TLN2: variants seen among roughly 807,000 people sequenced by gnomAD.
The protein encoded by TLN2 is talin 2, also known as talin-2.
TLN2 carries 118 observed loss-of-function variants against 294.7 expected under a neutral mutation model. The observed-to-expected ratio is 0.40, with a 90% CI of 0.34 to 0.47. The LOEUF (loss-of-function observed/expected upper bound fraction) is 0.47, where lower values mean the gene tolerates loss of function less well. TLN2 is among the 20% of genes least tolerant of loss of function. The probability of loss-of-function intolerance (pLI) is 0.84; values close to 1 mark genes in which losing one functional copy is unlikely to be tolerated. For missense variants in TLN2, 3,083 were observed against 3,282.2 expected, an observed-to-expected ratio of 0.94 and a Z score of 1.48; for synonymous variants, 1,431 against 1,304.5, an observed-to-expected ratio of 1.10 and a Z score of -2.09.
chr15:62,792,838 G>A (rs1243535967), intron 46 of TLN2, 51 bp downstream of exon 46: 1 of 1,602,634 alleles, frequency 6.2e-7, no homozygotes. Context: ...CTGGCTCTCA[G>A]TGATCCGCTG....
chr15:62,554,149 G>A (rs954401459), intron 1 of TLN2, among the ~76,000 whole-genome samples: 31 of 151,732 alleles, frequency 2.0e-4, no homozygotes, highest in African/African-American at 7.5e-4. Flanking sequence ...GTTGTTTCTG[G>A]AATGAGTACA....
intron 2 of TLN2, among the ~76,000 whole-genome samples, chr15:62,617,216 G>A (rs551335487): frequency 1.3e-5 from 2 of 152,000 alleles, no homozygotes; most frequent in South Asian, 2.1e-4. Flanking sequence ...TTGTACAGCA[G>A]CTGACACATG....
At chr15:62,825,868 TTATATATA>T (rs10596547) in intron 54 of TLN2, among the ~76,000 whole-genome samples, 1 of 85,524 alleles carries the variant, frequency 1.2e-5, no homozygotes, top group African/African-American at 5.5e-5. Flanking sequence ...ATATATATAT[TTATATATA>T]TATATAATAA....
intron 1 of TLN2, among the ~76,000 whole-genome samples, chr15:62,546,212 A>G (rs2041986395): frequency 1.3e-5 from 2 of 152,150 alleles, no homozygotes; most frequent in Admixed American, 1.3e-4. Context: ...CCTGTTGGTG[A>G]CAGAAGGAGT....
chr15:62,470,909 G>A (rs942847060), intron 1 of TLN2, among the ~76,000 whole-genome samples: 3 of 152,206 alleles, frequency 2.0e-5, no homozygotes, highest in Non-Finnish European at 4.4e-5. Flanking sequence ...CATTTTAAAC[G>A]TAGCAAAATA....
chr15:62,578,393 C>A (rs547701287), intron 1 of TLN2, among the ~76,000 whole-genome samples: 2 of 151,964 alleles, frequency 1.3e-5, no homozygotes, highest in Non-Finnish European at 2.9e-5. Flanking sequence ...ATGGTGAAAC[C>A]CCGTCTCTAC....
chr15:62,433,064 G>T lies in TLN2; in HGVS notation c.-238+42379G>T, dbSNP rs116901541. Reference sequence around the variant, plus strand: ...GCATTGGTCCCCAAATAGAGGGGCAGAGGGTGTGAGATGTGTACTCCTAGG... The same window carrying T: ...GCATTGGTCCCCAAATAGAGGGGCATAGGGTGTGAGATGTGTACTCCTAGG... On this transcript the variant is annotated intron_variant, in intron 1 of 58. Transcript: ENST00000636159. 4.3e-3 allele frequency among the ~76,000 whole-genome samples: 651 copies of T among 152,312 alleles called. 8 individuals carry two copies. The highest frequency in any genetic ancestry group is 0.025 in the Admixed American group (381 of 15,296).
intron 2 of TLN2, among the ~76,000 whole-genome samples, chr15:62,601,289 A>G (rs1203430351): frequency 6.6e-6 from 1 of 152,228 alleles, no homozygotes; most frequent in Non-Finnish European, 1.5e-5. Context: ...CCCCACAACA[A>G]AAATATATCT....
chr15:62,686,000 ATCTGTC>A (rs67211588), intron 11 of TLN2, among the ~76,000 whole-genome samples: 7,422 of 152,142 alleles, frequency 0.049, 564 homozygotes, highest in African/African-American at 0.16. Flanking sequence ...TAAATTATTA[ATCTGTC>A]TCTGTCTTTA....
intron 1 of TLN2, among the ~76,000 whole-genome samples, chr15:62,435,772 C>T (rs2035258407): frequency 6.6e-6 from 1 of 152,128 alleles, no homozygotes; most frequent in Non-Finnish European, 1.5e-5. Flanking sequence ...GAACTCCTGA[C>T]CTCAGGTGAT....
intron 1 of TLN2, among the ~76,000 whole-genome samples, chr15:62,455,028 T>G (rs1160494445): frequency 1.3e-5 from 2 of 152,138 alleles, no homozygotes; most frequent in East Asian, 3.9e-4. Context: ...ACTGGGGTTT[T>G]GTGGTGGGCA....
chr15:62,604,098 T>G (rs4265758), intron 2 of TLN2, among the ~76,000 whole-genome samples: 57,306 of 152,034 alleles, frequency 0.38, 11,260 homozygotes, highest in East Asian at 0.59. Context: ...ATTCATTTGG[T>G]TTTTTTCCTT....
chr15:62,737,552 G>A (rs917680498), intron 29 of TLN2, among the ~76,000 whole-genome samples: 4 of 152,238 alleles, frequency 2.6e-5, no homozygotes, highest in African/African-American at 9.6e-5. Context: ...AGTCCTGGAC[G>A]TGGGGCTGGG....
chr15:62,709,767 C>T (rs2141124042), intron 21 of TLN2, among the ~76,000 whole-genome samples: 1 of 150,650 alleles, frequency 6.6e-6, no homozygotes, highest in South Asian at 2.1e-4. Flanking sequence ...TGGAGTCTCA[C>T]CCTGTTGCCC....
At chr15:62,756,320 G>C (rs916731857) in intron 37 of TLN2, among the ~76,000 whole-genome samples, 32 of 152,178 alleles carry the variant, frequency 2.1e-4, no homozygotes, top group Admixed American at 6.5e-5. Flanking sequence ...AGGTTCACTT[G>C]CAAGAAGCAA....
chr15:62,561,201 C>G (rs898521061), intron 1 of TLN2, among the ~76,000 whole-genome samples: 1 of 152,128 alleles, frequency 6.6e-6, no homozygotes. Flanking sequence ...GAATTCCAAA[C>G]AAAAGCTTGG....
At position 62,647,334 on chromosome 15, in the gene TLN2, T is replaced by A; in HGVS notation, c.24T>A (p.Ile8=). 1 of 1,614,202 alleles carries A rather than the reference T, an allele frequency of 6.2e-7. No individual in the cohort carries two copies. MVALSLK[I]CVRHCNVVKT... is the part of the protein sequence containing the mutation. ...AAATGGTGGCCCTGTCCTTAAAGATTTGTGTGCGCCACTGCAACGTGGTGA... is the reference window on the plus strand; with the variant it reads ...AAATGGTGGCCCTGTCCTTAAAGATATGTGTGCGCCACTGCAACGTGGTGA... The change falls in exon 4 of 59, where the codon ATT becomes ATA. Residue 8 remains isoleucine, a synonymous_variant. Transcript: ENST00000636159.
In TLN2 at chr15:62,435,201, A is replaced by G. The variant is rs529679269; in HGVS notation, c.-238+44516A>G. Among the ~76,000 whole-genome samples, 49 of 152,154 alleles carry G rather than the reference A, an allele frequency of 3.2e-4. 1 individual carries two copies. Among genetic ancestry groups the G allele is most frequent in the African/African-American group, 1.2e-3 (49 of 41,474 alleles). On this transcript the variant is annotated intron_variant, in intron 1 of 58. Coordinates refer to ENST00000636159, the MANE Select transcript of TLN2 (RefSeq NM_015059.3). Reference sequence around the variant, plus strand: ...TTTGGGTTGATTCCGTGTCTTTGCTATTGTGAATAGTGCTGCAGTGAACAT... The same window carrying G: ...TTTGGGTTGATTCCGTGTCTTTGCTGTTGTGAATAGTGCTGCAGTGAACAT...
intron 1 of TLN2, among the ~76,000 whole-genome samples, chr15:62,510,776 C>A (rs535637766): frequency 7.2e-5 from 11 of 152,298 alleles, no homozygotes; most frequent in South Asian, 6.2e-4. Flanking sequence ...GCCTCCAGGT[C>A]CTTGGAATGA....
Sources: allele counts gnomAD v4.1 joint callset (sites outside exome capture counted in the v4.1 genomes callset), GRCh38; gene constraint gnomAD v4.1.1; transcripts MANE v1.5; gene names NCBI Gene and HGNC (gene_info 2026-07-23, HGNC 2026-07-21).